RHEB: variants seen among roughly 807,000 people sequenced by gnomAD.
RHEB encodes Ras homolog, mTORC1 binding.
In RHEB, 2 loss-of-function variants were observed where a neutral mutation model predicts 28.8. The ratio of observed to expected loss-of-function variants is 0.07; its 90% CI spans 0.03 to 0.22. The LOEUF (loss-of-function observed/expected upper bound fraction) is 0.22, where lower values mean the gene tolerates loss of function less well. RHEB is among the 10% of genes least tolerant of loss of function. The pLI is 1.00. For synonymous variants in RHEB, 69 were observed against 77.3 expected, an observed-to-expected ratio of 0.89 and a Z score of 0.56; for missense variants, 76 against 219.9, an observed-to-expected ratio of 0.35 and a Z score of 4.14.
intron 1 of RHEB, among the ~76,000 whole-genome samples, chr7:151,506,411 G>A (rs1035153670): frequency 6.6e-6 from 1 of 151,964 alleles, no homozygotes; most frequent in Non-Finnish European, 1.5e-5. Flanking sequence ...ACTTTGGGCA[G>A]TTTTCCTGAG....
chr7:151,519,685 C>T lies in RHEB; in HGVS notation c.-174G>A. 2 of 437,680 alleles carry T rather than the reference C, an allele frequency of 4.6e-6. No individual in the cohort carries two copies. Among genetic ancestry groups the T allele is most frequent in the African/African-American group, 2.1e-5 (1 of 48,396 alleles). The allele number at this position is 437,680 out of a possible 1,614,324, so 27.1% of individuals were successfully genotyped here. A position where few individuals can be genotyped will look rare whatever the true frequency, so the allele number is the denominator to read the frequency against. On this transcript the variant is annotated 5_prime_UTR_variant, in exon 1 of 8. Coordinates refer to ENST00000262187, the MANE Select transcript of RHEB (RefSeq NM_005614.4). ...CGCGCTCCCAACCGCCCGGAACCGA[C>T]CGCGCGGCGGCGCCCCTCCCCCCCA...
intron 2 of RHEB, among the ~76,000 whole-genome samples, chr7:151,486,254 A>C (rs1248707324): frequency 6.6e-6 from 1 of 152,230 alleles, no homozygotes; most frequent in Non-Finnish European, 1.5e-5. Context: ...ATTAGAACTA[A>C]GTAACTGCAG....
chr7:151,474,298 A>G (rs1379447130), intron 4 of RHEB, among the ~76,000 whole-genome samples: 1 of 151,984 alleles, frequency 6.6e-6, no homozygotes, highest in African/African-American at 2.4e-5. Flanking sequence ...CTCCTGCCTC[A>G]GCCTCCCGAG....
rs1395885713 is a variant in RHEB, at chr7:151,509,846, C to T, written c.52+9614G>A. Among the ~76,000 whole-genome samples the T allele has an allele frequency of 2.0e-5, 3 of 152,292 alleles. No homozygotes were observed. The South Asian group carries it at 6.2e-4, about 32-fold the overall frequency. ...AAGTTTTACTAGCACACAGCCACAC[C>T]CACTCGTTGATGTATTGTCTGTGGC... is the stretch of plus-strand genomic sequence containing the variant. On this transcript the variant is annotated intron_variant, in intron 1 of 7. Coordinates refer to ENST00000262187, the MANE Select transcript of RHEB (RefSeq NM_005614.4).
chr7:151,484,477 G>T (rs1372939104), intron 3 of RHEB, among the ~76,000 whole-genome samples: 6 of 152,166 alleles, frequency 3.9e-5, no homozygotes, highest in Non-Finnish European at 8.8e-5. Context: ...CTTGACTTAT[G>T]ATGGGGTTAC....
At chr7:151,470,095 G>A (rs1443593688) in intron 7 of RHEB, among the ~76,000 whole-genome samples, 6 of 152,068 alleles carry the variant, frequency 3.9e-5, no homozygotes, top group Non-Finnish European at 5.9e-5. Flanking sequence ...GCACATCTGC[G>A]GGGTGAAATT....
At chr7:151,513,087 C>A (rs548846992) in intron 1 of RHEB, among the ~76,000 whole-genome samples, 1 of 152,158 alleles carries the variant, frequency 6.6e-6, no homozygotes, top group Non-Finnish European at 1.5e-5. Context: ...TATATTAAAT[C>A]TTGACCCTTT....
rs1294639210 is a variant in RHEB at position 151,466,847 on chromosome 7, T to A, written c.*272A>T. ...CATTATTTTAAACAACAAACTACAC[T>A]GAAAAATTAATGCCGATAAAATTCT... On this transcript the variant is annotated 3_prime_UTR_variant, in exon 8 of 8. Transcript: ENST00000262187. 2.9e-6 allele frequency: 1 copy of A among 346,560 alleles called. No homozygotes were observed. Among genetic ancestry groups the A allele is most frequent in the Non-Finnish European group, 5.3e-6 (1 of 189,220 alleles). 21.5% of individuals were successfully genotyped at this position (346,560 alleles called of 1,614,324 possible).
At chr7:151,484,712 T>G (rs1257854518) in intron 3 of RHEB, 25 bp downstream of exon 3, 5 of 1,536,144 alleles carry the variant, frequency 3.3e-6, no homozygotes, top group Non-Finnish European at 4.5e-6. Flanking sequence ...CTGTATAAGA[T>G]TCTGAGATAC....
chr7:151,512,598 G>A (rs905732250), intron 1 of RHEB, among the ~76,000 whole-genome samples: 1 of 152,098 alleles, frequency 6.6e-6, no homozygotes, highest in South Asian at 2.1e-4. Flanking sequence ...TTCTAACCAC[G>A]CCAAGTTCTT....
intron 1 of RHEB, among the ~76,000 whole-genome samples, chr7:151,504,234 C>A (rs567886463): frequency 5.3e-4 from 81 of 152,276 alleles, no homozygotes; most frequent in African/African-American, 1.9e-3. Flanking sequence ...CCTTAACCTA[C>A]TCGAAACCAG....
At chr7:151,500,708 G>A (rs1211946134) in intron 1 of RHEB, among the ~76,000 whole-genome samples, 1 of 152,116 alleles carries the variant, frequency 6.6e-6, no homozygotes, top group Non-Finnish European at 1.5e-5. Context: ...AAACAGAAGA[G>A]AGAGAAGCTT....
chr7:151,519,388 G>T, intron 1 of RHEB, 72 bp downstream of exon 1: 1 of 1,162,060 alleles, frequency 8.6e-7, no homozygotes, highest in Non-Finnish European at 1.1e-6. Flanking sequence ...AACTTCGCAG[G>T]CCCGGCCGCG....
intron 1 of RHEB, among the ~76,000 whole-genome samples, chr7:151,514,800 A>C (rs1803046474): frequency 6.6e-6 from 1 of 152,134 alleles, no homozygotes; most frequent in Non-Finnish European, 1.5e-5. Context: ...ACACTGGGAG[A>C]CTGAGACCAG....
intron 1 of RHEB, among the ~76,000 whole-genome samples, chr7:151,491,978 G>C (rs1466897100): frequency 6.6e-6 from 1 of 152,192 alleles, no homozygotes; most frequent in African/African-American, 2.4e-5. Flanking sequence ...CTTTAGAACA[G>C]GGTACATGCC....
chr7:151,472,951 A>G lies in RHEB; in HGVS notation c.276-1346T>C, dbSNP rs1802189490. On this transcript the variant is annotated intron_variant, in intron 4 of 7. Coordinates refer to ENST00000262187, the MANE Select transcript of RHEB (RefSeq NM_005614.4). This position sits in a 1 kb window ranked among gnomAD's most constrained non-coding sequence, Gnocchi z 5.2. Reference sequence around the variant, plus strand: ...TTTCCTCCGCATGCTGTATTTGCCTATCTTTAAAAGTGTCGCCACTTGGGC... The same window carrying G: ...TTTCCTCCGCATGCTGTATTTGCCTGTCTTTAAAAGTGTCGCCACTTGGGC... Among the ~76,000 whole-genome samples, 3 of 152,162 alleles carry G rather than the reference A, an allele frequency of 2.0e-5. No individual in the cohort carries two copies. Among genetic ancestry groups the G allele is most frequent in the Admixed American group, 2.0e-4 (3 of 15,276 alleles).
chr7:151,514,149 A>T (rs1803036279), intron 1 of RHEB, among the ~76,000 whole-genome samples: 1 of 152,242 alleles, frequency 6.6e-6, no homozygotes, highest in Non-Finnish European at 1.5e-5. Flanking sequence ...TAACAAAAGA[A>T]GCTAGGGCAA....
chr7:151,519,821 T>C lies in RHEB; in HGVS notation c.-310A>G, dbSNP rs1439486224. The C allele has an allele frequency of 7.5e-6, 2 of 266,356 alleles. No individual in the cohort carries two copies. The highest frequency in any genetic ancestry group is 4.5e-5 in the African/African-American group (2 of 44,720). The allele number at this position is 266,356 out of a possible 1,614,324, so 16.5% of individuals were successfully genotyped here. ...GGTGCGTCGGGGCGACGTTTTACTTTAAAGGCAAAAAAAGGGGACGCCGCG... is the reference window on the plus strand; with the variant it reads ...GGTGCGTCGGGGCGACGTTTTACTTCAAAGGCAAAAAAAGGGGACGCCGCG... On this transcript the variant is annotated 5_prime_UTR_variant, in exon 1 of 8. Coordinates refer to ENST00000262187, the MANE Select transcript of RHEB (RefSeq NM_005614.4).
At chr7:151,470,437 T>C (rs1432420755) in intron 7 of RHEB, 134 bp downstream of exon 7, 6 of 572,750 alleles carry the variant, frequency 1.0e-5, no homozygotes, top group Non-Finnish European at 1.6e-5. Context: ...AACACAAAAC[T>C]TGGTATTAGA....
Sources: allele counts gnomAD v4.1 joint callset (sites outside exome capture counted in the v4.1 genomes callset), GRCh38; gene constraint gnomAD v4.1.1; non-coding constraint Gnocchi (gnomAD v3.1); transcripts MANE v1.5; gene names NCBI Gene and HGNC (gene_info 2026-07-23, HGNC 2026-07-21).